The following EEFSEC variants were observed in gnomAD, a reference collection of about 807,000 sequenced individuals.
EEFSEC encodes eukaryotic elongation factor, selenocysteine-tRNA specific.
In EEFSEC, 43 loss-of-function variants were observed where a neutral mutation model predicts 42.1. That is an observed-to-expected ratio of 1.02 (90% CI 0.80 to 1.32). EEFSEC has a LOEUF of 1.32. EEFSEC is among the 40% of genes most tolerant of loss of function. The pLI, the probability that EEFSEC is intolerant of heterozygous loss-of-function variation, is 0.00. For missense variants in EEFSEC, 745 were observed against 803.6 expected, an observed-to-expected ratio of 0.93 and a Z score of 0.88; for synonymous variants, 354 against 339.1, an observed-to-expected ratio of 1.04 and a Z score of -0.48.
chr3:128,330,459 C>A lies in EEFSEC; in HGVS notation c.787-10774C>A, dbSNP rs77441880. 7.0e-4 allele frequency among the ~76,000 whole-genome samples: 106 copies of A among 152,326 alleles called. 1 individual carries two copies. The East Asian group carries it at 0.02, about 28-fold the overall frequency. Reference sequence around the variant, plus strand: ...GGAAACAACAGAGCGCACAGGCACACACTGGACAGATGCTAACAGGTTACG... The same window carrying A: ...GGAAACAACAGAGCGCACAGGCACAAACTGGACAGATGCTAACAGGTTACG... On this transcript the variant is annotated intron_variant, in intron 4 of 6. Transcript: ENST00000254730.
At chr3:128,248,581 A>C (rs1298142462) in intron 2 of EEFSEC, among the ~76,000 whole-genome samples, 2 of 152,234 alleles carry the variant, frequency 1.3e-5, no homozygotes, top group Admixed American at 1.3e-4. Flanking sequence ...TGTAAAAAGG[A>C]AGATAAAAAA....
chr3:128,408,198 T>C lies in EEFSEC; in HGVS notation c.1730T>C (p.Leu577Pro). 6.2e-7 allele frequency: 1 copy of C among 1,612,096 alleles called. No individual in the cohort carries two copies. The highest frequency in any genetic ancestry group is 8.5e-7 in the Non-Finnish European group (1 of 1,178,904). ...ERSEPSQHVVLSLTFKRYVFD... is the reference protein window; with the variant it reads ...ERSEPSQHVVPSLTFKRYVFD... ...AGCGAGCCCTCACAGCATGTGGTGCTCAGCCTGACTTTCAAGCGTTATGTC... is the reference window on the plus strand; with the variant it reads ...AGCGAGCCCTCACAGCATGTGGTGCCCAGCCTGACTTTCAAGCGTTATGTC... The change falls in exon 7 of 7, where the codon CTC (leucine) becomes CCC (proline). Residue 577 changes from leucine (L) to proline (P), a missense_variant. Leu to Pro is a moderately conservative substitution (Grantham distance 98). Coordinates refer to ENST00000254730, the MANE Select transcript of EEFSEC (RefSeq NM_021937.5).
chr3:128,248,198 G>T (rs16843207), intron 2 of EEFSEC, among the ~76,000 whole-genome samples: 2,875 of 152,238 alleles, frequency 0.019, 63 homozygotes, highest in East Asian at 0.047. Context: ...ACTAAATAGC[G>T]GTCACTGGGA....
chr3:128,325,890 T>C (rs1365386389), intron 4 of EEFSEC, among the ~76,000 whole-genome samples: 16 of 152,252 alleles, frequency 1.1e-4, no homozygotes. Flanking sequence ...GGCAGCTAGA[T>C]TGTCTCCATC....
intron 5 of EEFSEC, among the ~76,000 whole-genome samples, chr3:128,356,602 ATTAAC>A (rs1466614272): frequency 3.3e-5 from 5 of 152,192 alleles, no homozygotes; most frequent in Admixed American, 1.3e-4. Context: ...TTTAAATTCT[ATTAAC>A]TTATTTGTAA....
At chr3:128,179,230 T>C (rs1490959180) in intron 1 of EEFSEC, among the ~76,000 whole-genome samples, 3 of 152,190 alleles carry the variant, frequency 2.0e-5, no homozygotes, top group Admixed American at 2.0e-4. Flanking sequence ...ACAAAACATG[T>C]TCTGTGCAGG....
At chr3:128,162,195 C>T (rs964023569) in intron 1 of EEFSEC, among the ~76,000 whole-genome samples, 3 of 152,156 alleles carry the variant, frequency 2.0e-5, no homozygotes, top group Admixed American at 6.5e-5. Flanking sequence ...TCTTTGTGCC[C>T]ATCCAGTGAG....
At chr3:128,379,004 A>G (rs1290287802) in intron 6 of EEFSEC, among the ~76,000 whole-genome samples, 2 of 152,186 alleles carry the variant, frequency 1.3e-5, no homozygotes, top group Non-Finnish European at 2.9e-5. Flanking sequence ...GAGGGGTGAA[A>G]GTTGAGGTTT....
intron 2 of EEFSEC, among the ~76,000 whole-genome samples, chr3:128,251,500 A>G (rs1289788705): frequency 6.6e-6 from 1 of 152,228 alleles, no homozygotes; most frequent in Non-Finnish European, 1.5e-5. Flanking sequence ...ATAGTGTTTT[A>G]GTAGAAATGG....
At chr3:128,412,905 G>A (rs969292015), downstream of EEFSEC, among the ~76,000 whole-genome samples, 4 of 152,138 alleles carry the variant, frequency 2.6e-5, no homozygotes, top group Non-Finnish European at 4.4e-5. Context: ...CAATGTGGCC[G>A]GACCTCGGGC....
chr3:128,282,563 G>A (rs1049148166), intron 4 of EEFSEC, among the ~76,000 whole-genome samples: 5 of 152,210 alleles, frequency 3.3e-5, no homozygotes, highest in Admixed American at 1.3e-4. Flanking sequence ...GTGCACACGC[G>A]CACATGCAGA....
At chr3:128,319,961 GGCCCT>G (rs2066989463) in intron 4 of EEFSEC, among the ~76,000 whole-genome samples, 1 of 152,252 alleles carries the variant, frequency 6.6e-6, no homozygotes, top group African/African-American at 2.4e-5. Flanking sequence ...GCACAGGTTT[GGCCCT>G]GCTGATTGGC....
At chr3:128,208,163 T>G (rs1576545878) in intron 1 of EEFSEC, among the ~76,000 whole-genome samples, 1 of 152,282 alleles carries the variant, frequency 6.6e-6, no homozygotes, top group Non-Finnish European at 1.5e-5. Context: ...CCACATAGTG[T>G]GGGGCTGCCT....
intron 4 of EEFSEC, among the ~76,000 whole-genome samples, chr3:128,266,890 G>A (rs1027587531): frequency 6.6e-6 from 1 of 152,110 alleles, no homozygotes; most frequent in African/African-American, 2.4e-5. Flanking sequence ...GATTACTTTG[G>A]TGACTGTTTG....
At chr3:128,195,877 A>G (rs1432715060) in intron 1 of EEFSEC, among the ~76,000 whole-genome samples, 1 of 152,232 alleles carries the variant, frequency 6.6e-6, no homozygotes, top group Admixed American at 6.5e-5. Context: ...TCTCCCAAAC[A>G]GAACGCATAT....
chr3:128,425,382 G>T, the EEFSEC span, among the ~76,000 whole-genome samples: 1 of 152,214 alleles, frequency 6.6e-6, no homozygotes, highest in Non-Finnish European at 1.5e-5. Flanking sequence ...TGTGGCTGTG[G>T]ACGAGCGGAT....
the EEFSEC span, among the ~76,000 whole-genome samples, chr3:128,415,865 G>A: frequency 1.3e-5 from 2 of 152,212 alleles, no homozygotes; most frequent in East Asian, 3.9e-4. Context: ...CTCACAGAGG[G>A]GAAACTGAGG....
chr3:128,175,197 C>A (rs1268374845), intron 1 of EEFSEC, among the ~76,000 whole-genome samples: 1 of 151,730 alleles, frequency 6.6e-6, no homozygotes, highest in Non-Finnish European at 1.5e-5. Context: ...CCCCCCTTTT[C>A]TCCAAGTCAA....
intron 1 of EEFSEC, among the ~76,000 whole-genome samples, chr3:128,226,037 G>T (rs902290374): frequency 6.6e-6 from 1 of 152,222 alleles, no homozygotes; most frequent in Non-Finnish European, 1.5e-5. Flanking sequence ...GGAGAACAGA[G>T]CCCCAATAAG....
Sources: allele counts gnomAD v4.1 joint callset (sites outside exome capture counted in the v4.1 genomes callset), GRCh38; gene constraint gnomAD v4.1.1; transcripts MANE v1.5; gene names NCBI Gene and HGNC (gene_info 2026-07-23, HGNC 2026-07-21).